The following B3GALT1 variants were observed in gnomAD, a reference collection of about 807,000 sequenced individuals.
B3GALT1 encodes UDP-Gal:betaGlcNAc beta 1,3-galactosyltransferase, polypeptide 1.
In B3GALT1, 10 loss-of-function variants were observed where a neutral mutation model predicts 23.2. The ratio of observed to expected loss-of-function variants is 0.43; its 90% CI spans 0.27 to 0.73. The LOEUF is 0.73. Among genes scored for constraint, B3GALT1 ranks in the 30% least tolerant of loss-of-function variants. B3GALT1 has a pLI of 0.21. For missense variants in B3GALT1, 299 were observed against 405.4 expected, an observed-to-expected ratio of 0.74 and a Z score of 2.25; for synonymous variants, 156 against 141.5, an observed-to-expected ratio of 1.10 and a Z score of -0.73.
At chr2:167,760,667 G>A (rs574593148) in intron 3 of B3GALT1, among the ~76,000 whole-genome samples, 3 of 152,206 alleles carry the variant, frequency 2.0e-5, no homozygotes, top group Admixed American at 2.0e-4. Flanking sequence ...TTATCTTTTG[G>A]TATCAGCTCA....
At chr2:167,609,438 G>A (rs367587724) in intron 2 of B3GALT1, among the ~76,000 whole-genome samples, 1 of 152,054 alleles carries the variant, frequency 6.6e-6, no homozygotes, top group African/African-American at 2.4e-5. Context: ...CATAAGGTAG[G>A]GTGGGACGAG....
chr2:167,391,404 T>A lies in B3GALT1; in HGVS notation c.-511+98070T>A, dbSNP rs180683351. Among the ~76,000 whole-genome samples the A allele has an allele frequency of 2.3e-3, 354 of 152,324 alleles. 6 individuals are homozygous for A. The highest frequency in any genetic ancestry group is 5.4e-4 in the Non-Finnish European group (37 of 68,032). ...TAACAGTTTCGCTGCTTTGATAAGA[T>A]TTAGAATTACCTTTTAATAATATTG... On this transcript the variant is annotated intron_variant, in intron 1 of 4. Transcript: ENST00000392690.
chr2:167,449,566 C>A (rs1293748590), intron 1 of B3GALT1, among the ~76,000 whole-genome samples: 1 of 152,142 alleles, frequency 6.6e-6, no homozygotes, highest in Non-Finnish European at 1.5e-5. Flanking sequence ...TTCCTCTTTA[C>A]TGATTTGCAT....
intron 1 of B3GALT1, among the ~76,000 whole-genome samples, chr2:167,343,480 C>T (rs932580524): frequency 3.9e-5 from 6 of 152,198 alleles, no homozygotes; most frequent in African/African-American, 1.4e-4. Context: ...TTTTAAGCAA[C>T]TACACTGACA....
At chr2:167,857,640 T>C (rs1177071721) in intron 4 of B3GALT1, among the ~76,000 whole-genome samples, 2 of 152,050 alleles carry the variant, frequency 1.3e-5, no homozygotes, top group African/African-American at 4.8e-5. Flanking sequence ...CCAGCATAAA[T>C]GACTGAGCAT....
chr2:167,563,066 G>A (rs1049499083), intron 2 of B3GALT1, among the ~76,000 whole-genome samples: 1 of 151,932 alleles, frequency 6.6e-6, no homozygotes, highest in Non-Finnish European at 1.5e-5. Flanking sequence ...CACAGACACG[G>A]CAACCATCCG....
chr2:167,370,012 A>ATTTG (rs965600485), intron 1 of B3GALT1, among the ~76,000 whole-genome samples: 2 of 152,122 alleles, frequency 1.3e-5, no homozygotes, highest in Non-Finnish European at 2.9e-5. Context: ...TATTCTGTAT[A>ATTTG]TTTGTTTGTT....
At chr2:167,713,685 A>G (rs1687097246) in intron 3 of B3GALT1, 2 of 1,458,220 alleles carry the variant, frequency 1.4e-6, no homozygotes, top group South Asian at 2.3e-5. Flanking sequence ...CTGGATGTTC[A>G]GTAGCAGGCT....
intron 2 of B3GALT1, among the ~76,000 whole-genome samples, chr2:167,529,587 T>C (rs1683287075): frequency 6.7e-6 from 1 of 148,334 alleles, no homozygotes; most frequent in South Asian, 2.3e-4. Context: ...GATCTCACTC[T>C]CCTCCCACAT....
chr2:167,611,136 CTAAAA>C (rs1245800921), intron 2 of B3GALT1, among the ~76,000 whole-genome samples: 1 of 151,572 alleles, frequency 6.6e-6, no homozygotes, highest in African/African-American at 2.4e-5. Context: ...ACCCCTGAAC[CTAAAA>C]TAAAAGTTAA....
At chr2:167,858,458 A>T (rs778059083) in intron 4 of B3GALT1, among the ~76,000 whole-genome samples, 1 of 151,888 alleles carries the variant, frequency 6.6e-6, no homozygotes, top group Non-Finnish European at 1.5e-5. Flanking sequence ...TTTATTTGTC[A>T]TGTTTACATT....
At chr2:167,465,819 A>G (rs929927101) in intron 1 of B3GALT1, among the ~76,000 whole-genome samples, 3 of 152,184 alleles carry the variant, frequency 2.0e-5, no homozygotes, top group Non-Finnish European at 4.4e-5. Flanking sequence ...ATAAAATATA[A>G]CTTCATACAC....
intron 4 of B3GALT1, among the ~76,000 whole-genome samples, chr2:167,844,755 T>C (rs1251431680): frequency 6.6e-6 from 1 of 152,116 alleles, no homozygotes; most frequent in African/African-American, 2.4e-5. Flanking sequence ...TGGCCAGAAC[T>C]CAGGGGAGGG....
At chr2:167,356,171 G>T (rs957574099) in intron 1 of B3GALT1, among the ~76,000 whole-genome samples, 2 of 152,184 alleles carry the variant, frequency 1.3e-5, no homozygotes, top group African/African-American at 4.8e-5. Context: ...TGATTAGGTG[G>T]TAGGTTGATA....
intron 1 of B3GALT1, among the ~76,000 whole-genome samples, chr2:167,469,935 T>C (rs1323284838): frequency 6.6e-6 from 1 of 152,190 alleles, no homozygotes; most frequent in Non-Finnish European, 1.5e-5. Context: ...TTGTATAAAT[T>C]TTTTAGGACC....
chr2:167,501,309 TA>T (rs919582937), intron 2 of B3GALT1, among the ~76,000 whole-genome samples: 18 of 151,830 alleles, frequency 1.2e-4, no homozygotes, highest in Admixed American at 6.6e-4. Context: ...TGAAAGCAAA[TA>T]AAAAATGTGT....
At chr2:167,709,707 C>T (rs1255009790) in intron 3 of B3GALT1, among the ~76,000 whole-genome samples, 2 of 150,024 alleles carry the variant, frequency 1.3e-5, no homozygotes, top group Non-Finnish European at 3.0e-5. Context: ...CACATATCAA[C>T]TTATTTAATC....
chr2:167,444,577 C>T (rs561517858), intron 1 of B3GALT1, among the ~76,000 whole-genome samples: 1 of 152,260 alleles, frequency 6.6e-6, no homozygotes, highest in East Asian at 1.9e-4. Flanking sequence ...GATTCAACTT[C>T]TTCCTTTTTA....
chr2:167,561,792 T>C (rs1684000338), intron 2 of B3GALT1, among the ~76,000 whole-genome samples: 1 of 152,058 alleles, frequency 6.6e-6, no homozygotes, highest in Non-Finnish European at 1.5e-5. Flanking sequence ...AATAACAGGA[T>C]CTGAAATTGT....
Sources: gnomAD v4.1 joint callset for allele counts (sites outside exome capture counted in the v4.1 genomes callset) on GRCh38, gnomAD v4.1.1 for gene constraint, MANE v1.5 for transcripts, NCBI Gene and HGNC (gene_info 2026-07-23, HGNC 2026-07-21) for gene names.